Variants in RAPSN observed in about 807,000 individuals in gnomAD.
RAPSN encodes the protein receptor associated protein of the synapse.
A neutral mutation model predicts 45.7 loss-of-function variants in RAPSN; 33 were observed. The observed-to-expected ratio is 0.72, with a 90% CI of 0.55 to 0.97. The LOEUF (loss-of-function observed/expected upper bound fraction) is 0.97. Ranked by LOEUF, RAPSN falls within the 50% of genes least tolerant of loss-of-function variation. The probability of loss-of-function intolerance (pLI) is 0.00; values close to 1 mark genes in which losing one functional copy is unlikely to be tolerated. For synonymous variants in RAPSN, 244 were observed against 233.6 expected, an observed-to-expected ratio of 1.04 and a Z score of -0.40; for missense variants, 519 against 559.4, an observed-to-expected ratio of 0.93 and a Z score of 0.73.
intron 2 of RAPSN, among the ~76,000 whole-genome samples, chr11:47,445,155 C>T (rs542947132): frequency 2.7e-5 from 4 of 150,448 alleles, no homozygotes; most frequent in Admixed American, 6.6e-5. Context: ...GGCGTGAACC[C>T]GGGAGGCGGA....
At chr11:47,439,654 G>T (rs1437766273) in intron 6 of RAPSN, among the ~76,000 whole-genome samples, 1 of 151,044 alleles carries the variant, frequency 6.6e-6, no homozygotes, top group Non-Finnish European at 1.5e-5. Flanking sequence ...CATCTGGAAG[G>T]CTTTGAGAAG....
At position 47,437,996 on chromosome 11, in the gene RAPSN, G is replaced by A. The variant is rs146285971; in HGVS notation, c.1218C>T (p.Ser406=). The change falls in exon 8 of 8, where the codon TCC becomes TCT. Residue 406 remains serine (S), a synonymous_variant. Coordinates refer to ENST00000298854, the MANE Select transcript of RAPSN (RefSeq NM_005055.5). ...TRSCPNCRRS[S]MKPGFV Reference sequence around the variant, plus strand: ...GGAGTCATACAAAGCCAGGCTTCATGGATGAGCGGCGGCAGTTGGGACAGC... The same window carrying A: ...GGAGTCATACAAAGCCAGGCTTCATAGATGAGCGGCGGCAGTTGGGACAGC... 1 of 1,550,630 alleles carries A rather than the reference G, an allele frequency of 6.4e-7. No individual in the cohort carries two copies. Among genetic ancestry groups the A allele is most frequent in the East Asian group, 2.4e-5 (1 of 40,914 alleles).
Sources: allele counts gnomAD v4.1 joint callset (sites outside exome capture counted in the v4.1 genomes callset), GRCh38; gene constraint gnomAD v4.1.1; transcripts MANE v1.5; gene names NCBI Gene and HGNC (gene_info 2026-07-23, HGNC 2026-07-21).